The following KLF17 variants were observed in gnomAD, a reference collection of about 807,000 sequenced individuals.
The protein encoded by KLF17 is Krueppel-like factor 17.
A neutral mutation model predicts 34.2 loss-of-function variants in KLF17; 31 were observed. The ratio of observed to expected loss-of-function variants is 0.91; its 90% CI spans 0.68 to 1.22. The LOEUF (loss-of-function observed/expected upper bound fraction) is 1.22. KLF17 is among the 50% of genes most tolerant of loss of function. KLF17 has a pLI of 0.00. For synonymous variants in KLF17, 179 were observed against 186.7 expected (o/e 0.96, Z 0.34); for missense variants, 478 against 505.2 (o/e 0.95, Z 0.52).
the KLF17 span, chr1:44,103,743 G>GC: frequency 0.3 from 380,160 of 1,259,270 alleles, 60,928 homozygotes; most frequent in Middle Eastern, 0.35. Context: ...ACCCTTAACT[G>GC]CCAGCTCCTC....
the KLF17 span, among the ~76,000 whole-genome samples, chr1:44,095,587 T>C: frequency 6.6e-6 from 1 of 152,216 alleles, no homozygotes; most frequent in East Asian, 1.9e-4. Context: ...GGATTGCATT[T>C]AATCCGTAGA....
the KLF17 span, chr1:44,103,429 C>T: frequency 2.5e-6 from 2 of 788,974 alleles, no homozygotes; most frequent in Non-Finnish European, 4.5e-6. Flanking sequence ...GAGCTGGCGC[C>T]CATGCCAGAG....
the KLF17 span, among the ~76,000 whole-genome samples, chr1:44,092,590 C>T: frequency 0.33 from 49,365 of 151,598 alleles, 8,181 homozygotes; most frequent in South Asian, 0.38. Context: ...AATGAATTGT[C>T]GTCTTCAGGC....
rs775079569 is a variant in KLF17 at position 44,130,634 on chromosome 1, C to T, written c.1048C>T (p.Arg350Trp). 12 of 1,613,918 alleles carry T rather than the reference C, an allele frequency of 7.4e-6. No homozygotes were observed. Among genetic ancestry groups the T allele is most frequent in the African/African-American group, 2.7e-5 (2 of 74,868 alleles). ...ACCATATAAATGTGATCAGTGCAGCCGGGAGTTCATGAGGTCTGACCATCT... is the reference window on the plus strand; with the variant it reads ...ACCATATAAATGTGATCAGTGCAGCTGGGAGTTCATGAGGTCTGACCATCT... ...YRPYKCDQCSREFMRSDHLKQ... is the reference protein window; with the variant it reads ...YRPYKCDQCSWEFMRSDHLKQ... The change falls in exon 3 of 4, where the codon CGG becomes TGG. Residue 350 changes from arginine to tryptophan, a missense_variant. Coordinates refer to ENST00000372299, the MANE Select transcript of KLF17 (RefSeq NM_173484.4).
the KLF17 span, among the ~76,000 whole-genome samples, chr1:44,095,382 A>G: frequency 4.0e-5 from 6 of 150,650 alleles, no homozygotes; most frequent in South Asian, 2.1e-4. Context: ...CATCTGGCTA[A>G]TTTTGTATTT....
At chr1:44,125,005 G>C (rs2087991709) in intron 1 of KLF17, among the ~76,000 whole-genome samples, 1 of 152,078 alleles carries the variant, frequency 6.6e-6, no homozygotes, top group Admixed American at 6.6e-5. Context: ...AAAAATAAAA[G>C]TATAAATTTT....
At chr1:44,058,105 C>T in the KLF17 span, among the ~76,000 whole-genome samples, 1 of 152,200 alleles carries the variant, frequency 6.6e-6, no homozygotes, top group African/African-American at 2.4e-5. Flanking sequence ...AATGGACCCT[C>T]CTACAGCTAA....
chr1:44,081,810 C>T, the KLF17 span, among the ~76,000 whole-genome samples: 6 of 152,078 alleles, frequency 3.9e-5, no homozygotes, highest in Admixed American at 2.0e-4. Flanking sequence ...TCCTTAGTTC[C>T]TTGTACTCCT....
the KLF17 span, among the ~76,000 whole-genome samples, chr1:44,094,020 G>C: frequency 6.6e-6 from 1 of 152,148 alleles, no homozygotes; most frequent in Non-Finnish European, 1.5e-5. Flanking sequence ...ACTTAGATGT[G>C]GATTTTTTTT....
At chr1:44,058,554 G>C in the KLF17 span, among the ~76,000 whole-genome samples, 1 of 151,746 alleles carries the variant, frequency 6.6e-6, no homozygotes, top group Non-Finnish European at 1.5e-5. Flanking sequence ...CTCTCAAAGT[G>C]CTGGGATTAC....
chr1:44,099,843 AAGAAAGAAAG>A, the KLF17 span, among the ~76,000 whole-genome samples: 2 of 43,076 alleles, frequency 4.6e-5, no homozygotes, highest in Admixed American at 4.4e-4. Context: ...GAAAGAAAGA[AAGAAAGAAAG>A]AAAGAAAGAA....
chr1:44,056,424 G>C, the KLF17 span, among the ~76,000 whole-genome samples: 1 of 152,156 alleles, frequency 6.6e-6, no homozygotes, highest in Non-Finnish European at 1.5e-5. Context: ...TAAGAAGCAA[G>C]TAATAGCCTT....
At chr1:44,090,960 GCA>G in the KLF17 span, among the ~76,000 whole-genome samples, 3 of 150,070 alleles carry the variant, frequency 2.0e-5, no homozygotes, top group East Asian at 3.9e-4. Flanking sequence ...ACGCACGCAT[GCA>G]CACACACACA....
At chr1:44,086,175 G>A in the KLF17 span, among the ~76,000 whole-genome samples, 1 of 152,082 alleles carries the variant, frequency 6.6e-6, no homozygotes, top group East Asian at 1.9e-4. Flanking sequence ...CTTTAAAAGA[G>A]AACAGAGACG....
chr1:44,076,146 C>T, the KLF17 span: 1 of 152,206 alleles, frequency 6.6e-6, no homozygotes, highest in African/African-American at 2.4e-5. Flanking sequence ...AAAGCCACAC[C>T]ATGGAGGCAG....
chr1:44,118,727 G>T (rs549247420), upstream of KLF17: 1,358 of 461,516 alleles, frequency 2.9e-3, 4 homozygotes, highest in Middle Eastern at 5.9e-3. Context: ...GCAGCCTGGG[G>T]CAGGGCTGCG....
the KLF17 span, among the ~76,000 whole-genome samples, chr1:44,047,026 CAAAAAA>C: frequency 1.2e-5 from 1 of 83,522 alleles, no homozygotes; most frequent in Non-Finnish European, 2.3e-5. Context: ...GACTCAGTCT[CAAAAAA>C]AAAAAAAAAA....
At position 44,127,639 on chromosome 1, in the gene KLF17, C is replaced by CTTCTTTCTTTCTTTCT. The variant is rs34643385; in HGVS notation, c.82-1675_82-1660dup. 8.8e-4 allele frequency among the ~76,000 whole-genome samples: 68 copies of CTTCTTTCTTTCTTTCT among 77,416 alleles called. 1 individual carries two copies. The highest frequency in any genetic ancestry group is 3.1e-3 in the African/African-American group (61 of 19,646). 50.8% of individuals were successfully genotyped at this position (77,416 alleles called of 152,430 possible). ...CTTTTCTTTTCTTTTCTTTTCTTTC[C>CTTCTTTCTTTCTTTCT]TTCTTTCTTTCTTTCTTTCTTTCTT... On this transcript the variant is annotated intron_variant, in intron 1 of 3. Coordinates refer to ENST00000372299, the MANE Select transcript of KLF17 (RefSeq NM_173484.4).
chr1:44,106,620 G>T, the KLF17 span: 1 of 152,182 alleles, frequency 6.6e-6, no homozygotes, highest in Admixed American at 6.6e-5. Context: ...CTCAAGTCAA[G>T]ATTTCAGATA....
Sources: gnomAD v4.1 joint callset for allele counts (sites outside exome capture counted in the v4.1 genomes callset) on GRCh38, gnomAD v4.1.1 for gene constraint, MANE v1.5 for transcripts, NCBI Gene and HGNC (gene_info 2026-07-23, HGNC 2026-07-21) for gene names.